Variants in ARHGAP6 observed in about 807,000 individuals in gnomAD.
ARHGAP6 encodes the protein Rho GTPase activating protein 6.
In ARHGAP6, 16 loss-of-function variants were observed where a neutral mutation model predicts 55.7. The ratio of observed to expected loss-of-function variants is 0.29; its 90% CI spans 0.19 to 0.44. The LOEUF is 0.44. ARHGAP6 is among the 20% of genes least tolerant of loss of function. The pLI is 1.00. For synonymous variants in ARHGAP6, 382 were observed against 360.9 expected (o/e 1.06, Z -0.66); for missense variants, 698 against 808.9 (o/e 0.86, Z 1.66).
At chrX:11,389,844 A>G (rs1799825373) in intron 1 of ARHGAP6, among the ~76,000 whole-genome samples, 1 of 112,007 alleles carries the variant, frequency 8.9e-6, no homozygotes, top group African/African-American at 3.2e-5. Context: ...CGGTGTGGTT[A>G]GAGCTGAAGG....
At chrX:11,403,908 T>C (rs752964134) in intron 1 of ARHGAP6, among the ~76,000 whole-genome samples, 22 of 112,506 alleles carry the variant, frequency 2.0e-4, no homozygotes, top group Non-Finnish European at 3.9e-4. Flanking sequence ...TAAAACAGGC[T>C]CTAACATTGA....
chrX:11,459,573 TG>T (rs1166813375), intron 1 of ARHGAP6, among the ~76,000 whole-genome samples: 1 of 111,878 alleles, frequency 8.9e-6, no homozygotes, highest in Non-Finnish European at 1.9e-5. Context: ...TATTGTTTTG[TG>T]GTGGTCGTTT....
chrX:11,217,849 T>C (rs1240152765), intron 2 of ARHGAP6, among the ~76,000 whole-genome samples: 2 of 112,192 alleles, frequency 1.8e-5, no homozygotes, highest in Non-Finnish European at 3.8e-5. Flanking sequence ...GTTTTAGGTC[T>C]TACGTTTAAG....
intron 1 of ARHGAP6, among the ~76,000 whole-genome samples, chrX:11,280,234 G>A (rs915998515): frequency 9.8e-5 from 11 of 111,784 alleles, no homozygotes; most frequent in African/African-American, 3.2e-4. Flanking sequence ...CTCACCTCCA[G>A]GTTAGAATCT....
At chrX:11,174,643 C>CT (rs1569241618) in intron 8 of ARHGAP6, among the ~76,000 whole-genome samples, 369 of 71,433 alleles carry the variant, frequency 5.2e-3, no homozygotes, top group Middle Eastern at 0.014. Context: ...TTCTTTCTTT[C>CT]TTTCTTTCTT....
intron 4 of ARHGAP6, among the ~76,000 whole-genome samples, chrX:11,188,385 C>T: frequency 8.9e-6 from 1 of 112,192 alleles, no homozygotes. Context: ...AGCTAAAACA[C>T]CAGGCCCTGC....
At chrX:11,210,679 C>T (rs1457984957) in intron 2 of ARHGAP6, among the ~76,000 whole-genome samples, 1 of 112,135 alleles carries the variant, frequency 8.9e-6, no homozygotes, top group East Asian at 2.8e-4. Context: ...ATTTCAGACA[C>T]GTTCCACAAA....
At chrX:11,265,919 T>C (rs1602985429) in intron 1 of ARHGAP6, 2 of 956,814 alleles carry the variant, frequency 2.1e-6, no homozygotes, top group Non-Finnish European at 2.7e-6. Context: ...ACCAAAAATA[T>C]GCAATCTTTT....
intron 1 of ARHGAP6, among the ~76,000 whole-genome samples, chrX:11,421,782 C>A (rs2049826660): frequency 8.9e-6 from 1 of 111,745 alleles, no homozygotes; most frequent in Admixed American, 9.5e-5. Context: ...ATTGGAACCA[C>A]CCCCAAAGCT....
intron 1 of ARHGAP6, among the ~76,000 whole-genome samples, chrX:11,308,359 G>C (rs967256170): frequency 1.8e-5 from 2 of 111,274 alleles, no homozygotes; most frequent in African/African-American, 6.5e-5. Context: ...AAAAACCCTG[G>C]AATCATTAAA....
chrX:11,552,601 G>GACACAC (rs769582716), intron 1 of ARHGAP6, among the ~76,000 whole-genome samples: 45 of 35,935 alleles, frequency 1.3e-3, no homozygotes, highest in Middle Eastern at 0.021. Context: ...TATATATATA[G>GACACAC]ACACACACAC....
Position 11,377,062 on chromosome X carries a change from T to C in ARHGAP6, c.589-122355A>G, listed in dbSNP as rs187597127. 3.8e-3 allele frequency among the ~76,000 whole-genome samples: 421 copies of C among 111,996 alleles called. 1 individual carries two copies. The highest frequency in any genetic ancestry group is 0.012 in the South Asian group (33 of 2,644). ...TGCTTTGATGGCCTGCAGAGCAAAATTCTTCCAGTGTGAGTCCCATACCTC... is the reference window on the plus strand; with the variant it reads ...TGCTTTGATGGCCTGCAGAGCAAAACTCTTCCAGTGTGAGTCCCATACCTC... On this transcript the variant is annotated intron_variant, in intron 1 of 12. Coordinates refer to ENST00000337414, the MANE Select transcript of ARHGAP6 (RefSeq NM_013427.3).
intron 1 of ARHGAP6, among the ~76,000 whole-genome samples, chrX:11,474,151 G>T (rs941157133): frequency 4.5e-5 from 5 of 111,247 alleles, no homozygotes; most frequent in Non-Finnish European, 9.4e-5. Context: ...CCCACAAGCT[G>T]TAAACTTGAC....
At chrX:11,638,991 C>A (rs2052445443) in intron 1 of ARHGAP6, among the ~76,000 whole-genome samples, 1 of 110,667 alleles carries the variant, frequency 9.0e-6, no homozygotes, top group Non-Finnish European at 1.9e-5. Context: ...TTGGAGGCTA[C>A]AAGAAGCATG....
At chrX:11,322,202 G>A (rs1194819976) in intron 1 of ARHGAP6, among the ~76,000 whole-genome samples, 3 of 111,742 alleles carry the variant, frequency 2.7e-5, no homozygotes, top group Non-Finnish European at 5.6e-5. Flanking sequence ...ACTTGTTTTT[G>A]TGGTGGGTGT....
chrX:11,142,954 C>T (rs1455407217), intron 11 of ARHGAP6: 1 of 112,158 alleles, frequency 8.9e-6, no homozygotes, highest in Non-Finnish European at 1.9e-5. Context: ...CACATTAACA[C>T]AGAACTAGAG....
intron 1 of ARHGAP6, among the ~76,000 whole-genome samples, chrX:11,361,204 T>G (rs1221992508): frequency 9.2e-6 from 1 of 108,834 alleles, no homozygotes; most frequent in Non-Finnish European, 1.9e-5. Context: ...AAGTCAATCC[T>G]AAGCCAAAAG....
intron 1 of ARHGAP6, among the ~76,000 whole-genome samples, chrX:11,257,959 A>G (rs1457827986): frequency 9.0e-6 from 1 of 111,302 alleles, no homozygotes; most frequent in Non-Finnish European, 1.9e-5. Context: ...TTGAGAAAAC[A>G]GGCTTGTTCA....
At chrX:11,354,323 C>CTATA (rs1555997400) in intron 1 of ARHGAP6, among the ~76,000 whole-genome samples, 114 of 57,088 alleles carry the variant, frequency 2.0e-3, no homozygotes, top group African/African-American at 2.3e-3. Flanking sequence ...CTCTCTCTCT[C>CTATA]TCTCTATATA....
Sources: gnomAD v4.1 joint callset for allele counts (sites outside exome capture counted in the v4.1 genomes callset) on GRCh38, gnomAD v4.1.1 for gene constraint, MANE v1.5 for transcripts, NCBI Gene and HGNC (gene_info 2026-07-23, HGNC 2026-07-21) for gene names.